NALF1: variants seen among roughly 807,000 people sequenced by gnomAD.
The protein encoded by NALF1 is NALCN channel auxiliary factor 1.
NALF1 carries 3 observed loss-of-function variants against 48.4 expected under a neutral mutation model. The observed-to-expected ratio is 0.06, with a 90% CI of 0.03 to 0.16. NALF1 has a LOEUF of 0.16. Ranked by LOEUF, NALF1 falls within the 10% of genes least tolerant of loss-of-function variation. NALF1 has a pLI of 1.00. For missense variants in NALF1, 526 were observed against 571.5 expected, an observed-to-expected ratio of 0.92 and a Z score of 0.81; for synonymous variants, 262 against 245.7, an observed-to-expected ratio of 1.07 and a Z score of -0.62.
chr13:107,583,321 T>TG (rs1878366337), intron 1 of NALF1, among the ~76,000 whole-genome samples: 1 of 152,188 alleles, frequency 6.6e-6, no homozygotes, highest in Non-Finnish European at 1.5e-5. Context: ...AAATAAATGT[T>TG]CAAATAATGT....
At chr13:107,632,366 T>C (rs1214012864) in intron 1 of NALF1, among the ~76,000 whole-genome samples, 3 of 152,088 alleles carry the variant, frequency 2.0e-5, no homozygotes, top group Admixed American at 6.6e-5. Context: ...AATATAAGAG[T>C]ATGGGCATGA....
intron 1 of NALF1, among the ~76,000 whole-genome samples, chr13:107,798,578 T>C (rs1254604950): frequency 6.6e-6 from 1 of 152,202 alleles, no homozygotes; most frequent in Non-Finnish European, 1.5e-5. Flanking sequence ...TCACCTTTTC[T>C]TCTGAATTTT....
chr13:107,669,747 T>C (rs1880948434), intron 1 of NALF1, among the ~76,000 whole-genome samples: 1 of 152,136 alleles, frequency 6.6e-6, no homozygotes, highest in Admixed American at 6.6e-5. Context: ...AGCAGTCCCT[T>C]GGCTCTTTTC....
intron 1 of NALF1, among the ~76,000 whole-genome samples, chr13:107,661,731 A>G (rs572687302): frequency 1.3e-3 from 203 of 152,248 alleles, no homozygotes; most frequent in Non-Finnish European, 2.3e-3. Flanking sequence ...TGGGTTCTCC[A>G]GCCCAATTCA....
At chr13:107,585,001 G>A (rs1180356009) in intron 1 of NALF1, among the ~76,000 whole-genome samples, 1 of 152,076 alleles carries the variant, frequency 6.6e-6, no homozygotes, top group Non-Finnish European at 1.5e-5. Flanking sequence ...GAAAGATAAA[G>A]TAATCGGCAG....
chr13:107,274,516 C>T (rs997682691), intron 1 of NALF1, among the ~76,000 whole-genome samples: 1 of 152,050 alleles, frequency 6.6e-6, no homozygotes, highest in Admixed American at 6.5e-5. Flanking sequence ...GAGCTATGTT[C>T]GTACCACTGC....
intron 1 of NALF1, among the ~76,000 whole-genome samples, chr13:107,527,437 A>T (rs981666655): frequency 3.9e-5 from 6 of 152,144 alleles, no homozygotes. Context: ...GTTAATTAAA[A>T]CAGTAAAACG....
At chr13:107,777,017 AG>A (rs1324816189) in intron 1 of NALF1, among the ~76,000 whole-genome samples, 1 of 152,086 alleles carries the variant, frequency 6.6e-6, no homozygotes, top group East Asian at 1.9e-4. Flanking sequence ...GCTTGTGCCC[AG>A]GAGGTTGAAG....
chr13:107,325,716 C>T (rs1464372966), intron 1 of NALF1, among the ~76,000 whole-genome samples: 2 of 151,158 alleles, frequency 1.3e-5, no homozygotes, highest in East Asian at 2.0e-4. Flanking sequence ...TGGCATGCAC[C>T]TGTAATCTCA....
At chr13:107,504,490 C>G (rs556260976) in intron 1 of NALF1, among the ~76,000 whole-genome samples, 1 of 152,206 alleles carries the variant, frequency 6.6e-6, no homozygotes, top group South Asian at 2.1e-4. Flanking sequence ...CTACAGTATC[C>G]ATTTTGCTAT....
chr13:107,604,509 T>C (rs1326249117), intron 1 of NALF1, among the ~76,000 whole-genome samples: 1 of 152,212 alleles, frequency 6.6e-6, no homozygotes, highest in Non-Finnish European at 1.5e-5. Context: ...ACATTGCTGA[T>C]TTCAGAAAAG....
chr13:107,253,604 A>T (rs887366107), intron 1 of NALF1, among the ~76,000 whole-genome samples: 22 of 152,192 alleles, frequency 1.4e-4, no homozygotes, highest in African/African-American at 5.3e-4. Flanking sequence ...CAAGGCCTAT[A>T]ACAAGCTGGG....
intron 1 of NALF1, among the ~76,000 whole-genome samples, chr13:107,738,889 C>G (rs1307903900): frequency 2.0e-5 from 3 of 152,162 alleles, no homozygotes; most frequent in African/African-American, 7.2e-5. Context: ...GTCTCAAACT[C>G]CCGACCTCGT....
chr13:107,450,601 T>C (rs12430267), intron 1 of NALF1, among the ~76,000 whole-genome samples: 35,753 of 152,052 alleles, frequency 0.24, 4,900 homozygotes, highest in Non-Finnish European at 0.31. Flanking sequence ...GAAGAGTTTT[T>C]GATGCAGGGA....
At chr13:107,540,246 A>G (rs2139118560) in intron 1 of NALF1, among the ~76,000 whole-genome samples, 1 of 152,186 alleles carries the variant, frequency 6.6e-6, no homozygotes, top group East Asian at 1.9e-4. Flanking sequence ...AATGTTTGTC[A>G]AGCTCTAGTC....
At chr13:107,504,456 C>A (rs117082822) in intron 1 of NALF1, among the ~76,000 whole-genome samples, 2 of 152,006 alleles carry the variant, frequency 1.3e-5, no homozygotes, top group African/African-American at 4.8e-5. Context: ...CTATGCGAGA[C>A]GATAGATATG....
intron 1 of NALF1, among the ~76,000 whole-genome samples, chr13:107,861,905 G>C (rs12584318): frequency 0.036 from 5,552 of 152,224 alleles, 209 homozygotes; most frequent in East Asian, 0.22. Flanking sequence ...GGTAATGTTT[G>C]TGGGTGATGC....
At chr13:107,305,475 G>A (rs555591448) in intron 1 of NALF1, among the ~76,000 whole-genome samples, 1 of 152,102 alleles carries the variant, frequency 6.6e-6, no homozygotes, top group Non-Finnish European at 1.5e-5. Flanking sequence ...CTCATATTAA[G>A]TTAAAAAATC....
At chr13:107,436,725 A>C (rs1303683003) in intron 1 of NALF1, among the ~76,000 whole-genome samples, 1 of 152,300 alleles carries the variant, frequency 6.6e-6, no homozygotes. Context: ...AGAGTTCCTA[A>C]CTAGTTCTCT....
Sources: allele counts gnomAD v4.1 joint callset (sites outside exome capture counted in the v4.1 genomes callset), GRCh38; gene constraint gnomAD v4.1.1; transcripts MANE v1.5; gene names NCBI Gene and HGNC (gene_info 2026-07-23, HGNC 2026-07-21).